Variants in ZBTB4 observed in about 807,000 individuals in gnomAD.
The protein encoded by ZBTB4 is zinc finger and BTB domain containing 4, also known as zinc finger and BTB domain-containing protein 4.
Under a neutral mutation model 59.8 loss-of-function variants are expected in ZBTB4, and 14 were observed. That is an observed-to-expected ratio of 0.23 (90% CI 0.15 to 0.37). ZBTB4 has a LOEUF of 0.37. Among genes scored for constraint, ZBTB4 ranks in the 10% least tolerant of loss-of-function variants. The pLI, the probability that ZBTB4 is intolerant of heterozygous loss-of-function variation, is 1.00. For missense variants in ZBTB4, 1,198 were observed against 1,380.8 expected, an observed-to-expected ratio of 0.87 and a Z score of 2.10; for synonymous variants, 587 against 575.2, an observed-to-expected ratio of 1.02 and a Z score of -0.29.
upstream of ZBTB4, chr17:7,482,537 A>G (rs1457860596): frequency 1.2e-6 from 2 of 1,612,902 alleles, no homozygotes; most frequent in South Asian, 1.1e-5. Context: ...GGAGGGGATC[A>G]CGGGTGTCTA....
intron 1 of ZBTB4, among the ~76,000 whole-genome samples, chr17:7,477,716 G>A (rs1183861269): frequency 1.3e-5 from 2 of 152,170 alleles, no homozygotes; most frequent in African/African-American, 2.4e-5. Context: ...ACCCACAAGG[G>A]GGGCAGAGAG....
intron 1 of ZBTB4, among the ~76,000 whole-genome samples, chr17:7,478,619 A>C (rs747814160): frequency 9.2e-5 from 14 of 152,200 alleles, no homozygotes; most frequent in Non-Finnish European, 1.6e-4. Flanking sequence ...AAAACAGTTC[A>C]TAAACAGGTC....
At chr17:7,478,959 C>T (rs1202437827) in intron 1 of ZBTB4, among the ~76,000 whole-genome samples, 5 of 152,196 alleles carry the variant, frequency 3.3e-5, no homozygotes, top group Non-Finnish European at 4.4e-5. Context: ...GACGGCGCGG[C>T]GGTTCCGGGG....
upstream of ZBTB4, among the ~76,000 whole-genome samples, chr17:7,480,644 T>G (rs549049338): frequency 6.6e-6 from 1 of 151,720 alleles, no homozygotes; most frequent in Admixed American, 6.6e-5. Flanking sequence ...GGCGTGAACC[T>G]GGGAGGCGGA....
intron 1 of ZBTB4, among the ~76,000 whole-genome samples, chr17:7,475,597 C>T (rs561117072): frequency 1.3e-5 from 2 of 152,014 alleles, no homozygotes; most frequent in Admixed American, 1.3e-4. Flanking sequence ...GATTCCACGC[C>T]CAGCTAGTTT....
chr17:7,469,269 C>G (rs1440643181), intron 1 of ZBTB4, among the ~76,000 whole-genome samples: 1 of 152,130 alleles, frequency 6.6e-6, no homozygotes, highest in African/African-American at 2.4e-5. Flanking sequence ...TAGGTTCAAG[C>G]GATTCTCCAG....
intron 1 of ZBTB4, among the ~76,000 whole-genome samples, chr17:7,478,956 C>A (rs2070306196): frequency 6.6e-6 from 1 of 152,202 alleles, no homozygotes; most frequent in Non-Finnish European, 1.5e-5. Flanking sequence ...CCCGACGGCG[C>A]GGCGGTTCCG....
At chr17:7,468,913 C>T (rs1301794199) in intron 1 of ZBTB4, among the ~76,000 whole-genome samples, 2 of 152,140 alleles carry the variant, frequency 1.3e-5, no homozygotes, top group Non-Finnish European at 2.9e-5. Flanking sequence ...GTTTTAACAA[C>T]CCTGTCTGCC....
upstream of ZBTB4, chr17:7,481,991 G>C (rs751354815): frequency 1.9e-6 from 3 of 1,590,642 alleles, no homozygotes; most frequent in Non-Finnish European, 1.7e-6. Flanking sequence ...CTAACAGGCT[G>C]GCAGTCACCC....
At chr17:7,481,900 G>C (rs998428767), upstream of ZBTB4, 19 of 1,503,302 alleles carry the variant, frequency 1.3e-5, no homozygotes, top group Admixed American at 4.4e-4. Context: ...AGTCCCACAG[G>C]GTCCCAGACC....
At chr17:7,468,927 G>A (rs1454496090) in intron 1 of ZBTB4, among the ~76,000 whole-genome samples, 1 of 152,172 alleles carries the variant, frequency 6.6e-6, no homozygotes, top group Non-Finnish European at 1.5e-5. Flanking sequence ...GTCTGCCAGG[G>A]ACTGATGAGG....
rs768917656 is a variant in ZBTB4, at chr17:7,463,344, T to C, written c.1638A>G (p.Ala546=). ...PATAVSPATA[A]GPAMATTTEE... is the part of the protein sequence containing the mutation. ...CCGTGGTGGTGGCCATGGCTGGCCC[T>C]GCAGCGGTGGCTGGGCTGACTGCTG... Residue 546 remains alanine, a synonymous_variant, in exon 4 of 4, where the codon GCA becomes GCG. Transcript: ENST00000380599. The C allele has an allele frequency of 3.1e-6, 5 of 1,607,154 alleles. No individual in the cohort carries two copies. In the East Asian group the frequency reaches 6.7e-5, roughly 22 times the overall value.
intron 1 of ZBTB4, among the ~76,000 whole-genome samples, chr17:7,469,101 T>C (rs1402947688): frequency 1.3e-5 from 2 of 152,142 alleles, no homozygotes; most frequent in Non-Finnish European, 2.9e-5. Flanking sequence ...CAGTGTTTTA[T>C]TTGGATTACC....
intron 1 of ZBTB4, among the ~76,000 whole-genome samples, chr17:7,470,656 A>G (rs1372484805): frequency 6.6e-6 from 1 of 152,210 alleles, no homozygotes; most frequent in Non-Finnish European, 1.5e-5. Flanking sequence ...AGATTGCACC[A>G]TTGCACTCCA....
At chr17:7,479,911 C>T (rs903350114), upstream of ZBTB4, among the ~76,000 whole-genome samples, 3 of 151,946 alleles carry the variant, frequency 2.0e-5, no homozygotes, top group African/African-American at 7.3e-5. Context: ...CTCCCTCCGC[C>T]CTTCCTCCTG....
In ZBTB4 at chr17:7,463,807, G is replaced by A. The variant is rs765367165; in HGVS notation, c.1175C>T (p.Pro392Leu). ...THQRAFHGISPGLLASEKTPN... is the reference protein window; with the variant it reads ...THQRAFHGISLGLLASEKTPN... Reference sequence around the variant, plus strand: ...TGTCTTCTCACTGGCAAGGAGGCCCGGGCTAATGCCGTGGAAGGCTCGCTG... The same window carrying A: ...TGTCTTCTCACTGGCAAGGAGGCCCAGGCTAATGCCGTGGAAGGCTCGCTG... The change falls in exon 4 of 4, where the codon CCG (proline) becomes CTG (leucine). Residue 392 changes from proline to leucine, a missense_variant. This residue lies in a region of ZBTB4 where 60 missense variants were observed against 93.0 expected (regional missense o/e 0.64). Transcript: ENST00000380599. 5 of 1,614,146 alleles carry A rather than the reference G, an allele frequency of 3.1e-6. No homozygotes were observed. The highest frequency in any genetic ancestry group is 1.1e-5 in the South Asian group (1 of 91,086).
Position 7,462,510 on chromosome 17 carries a change from G to C in ZBTB4, c.2472C>G (p.Val824=), listed in dbSNP as rs199598906. The C allele has an allele frequency of 1.2e-5, 20 of 1,614,038 alleles. No homozygotes were observed. Among genetic ancestry groups the C allele is most frequent in the African/African-American group, 2.7e-5 (2 of 75,068 alleles). ...CACCTGCCTCACCGCTGGATGAGGAGACTTGCATCTCTTGGGGGGCTTCCT... is the reference window on the plus strand; with the variant it reads ...CACCTGCCTCACCGCTGGATGAGGACACTTGCATCTCTTGGGGGGCTTCCT... ...VKEEAPQEMQ[V]SSSSGEAGGG... The change falls in exon 4 of 4, where the codon GTC becomes GTG. Residue 824 remains valine (V), a synonymous_variant. Coordinates refer to ENST00000380599, the MANE Select transcript of ZBTB4 (RefSeq NM_001128833.2). This position sits in a 1 kb window ranked among gnomAD's most constrained non-coding sequence, Gnocchi z 7.5.
chr17:7,482,837 G>A (rs779163104), upstream of ZBTB4: 1 of 1,612,064 alleles, frequency 6.2e-7, no homozygotes, highest in Admixed American at 1.7e-5. Flanking sequence ...GGTGTGCGCT[G>A]TCCTGCATTC....
upstream of ZBTB4, chr17:7,481,936 G>A (rs1343056313): frequency 1.3e-6 from 2 of 1,544,354 alleles, no homozygotes; most frequent in Admixed American, 4.1e-5. Flanking sequence ...CCCTGCCCCA[G>A]GTCGCCTGGG....
Sources: gnomAD v4.1 joint callset for allele counts (sites outside exome capture counted in the v4.1 genomes callset) on GRCh38, gnomAD v4.1.1 for gene constraint, gnomAD v4.1.1 regional missense constraint, Gnocchi (gnomAD v3.1) non-coding constraint, MANE v1.5 for transcripts, NCBI Gene and HGNC (gene_info 2026-07-23, HGNC 2026-07-21) for gene names.